ADD1: variants seen among roughly 807,000 people sequenced by gnomAD.
ADD1 encodes adducin 1, also known as alpha-adducin.
In ADD1, 24 loss-of-function variants were observed where a neutral mutation model predicts 80.5. The observed-to-expected ratio is 0.30, with a 90% CI of 0.22 to 0.42. ADD1 has a LOEUF of 0.42. ADD1 is among the 10% of genes least tolerant of loss of function. The probability of loss-of-function intolerance (pLI) is 1.00; values close to 1 mark genes in which losing one functional copy is unlikely to be tolerated. For synonymous variants in ADD1, 373 were observed against 393.8 expected, an observed-to-expected ratio of 0.95 and a Z score of 0.63; for missense variants, 948 against 1,019.0, an observed-to-expected ratio of 0.93 and a Z score of 0.95.
At chr4:2,845,070 C>T (rs1215684789) in intron 1 of ADD1, among the ~76,000 whole-genome samples, 1 of 144,984 alleles carries the variant, frequency 6.9e-6, no homozygotes, top group Non-Finnish European at 1.5e-5. Flanking sequence ...GACAAAGGCC[C>T]GCGATGATAC....
intron 13 of ADD1, among the ~76,000 whole-genome samples, chr4:2,911,395 CTT>C (rs1737993591): frequency 6.6e-6 from 1 of 150,838 alleles, no homozygotes; most frequent in Admixed American, 6.6e-5. Flanking sequence ...GCTGTGTTGA[CTT>C]TGTTTTGGGC....
intron 2 of ADD1, among the ~76,000 whole-genome samples, chr4:2,876,556 G>T (rs1042788617): frequency 6.6e-6 from 1 of 151,956 alleles, no homozygotes; most frequent in African/African-American, 2.4e-5. Context: ...ACAAAAATTG[G>T]CCAGGCGCGG....
intron 14 of ADD1, among the ~76,000 whole-genome samples, chr4:2,924,389 G>T (rs556569025): frequency 6.6e-6 from 1 of 152,184 alleles, no homozygotes; most frequent in Admixed American, 6.5e-5. Context: ...AGCAGCCTTG[G>T]TGCTGGCACC....
intron 1 of ADD1, among the ~76,000 whole-genome samples, chr4:2,863,721 T>G (rs901248376): frequency 5.9e-5 from 9 of 151,940 alleles, no homozygotes; most frequent in South Asian, 4.2e-4. Context: ...ACCTTGTTTT[T>G]TTTTGTTTTG....
intron 1 of ADD1, among the ~76,000 whole-genome samples, chr4:2,872,499 A>G (rs1730608481): frequency 6.6e-6 from 1 of 152,210 alleles, no homozygotes; most frequent in African/African-American, 2.4e-5. Context: ...TTTTATCTGT[A>G]TTATGCTAAA....
chr4:2,856,583 A>AG (rs1390634925), intron 1 of ADD1, among the ~76,000 whole-genome samples: 1 of 121,780 alleles, frequency 8.2e-6, no homozygotes, highest in African/African-American at 3.0e-5. Flanking sequence ...TGGTTACTAG[A>AG]GTTTTTTTTT....
At chr4:2,865,683 C>A (rs938875900) in intron 1 of ADD1, among the ~76,000 whole-genome samples, 1 of 152,148 alleles carries the variant, frequency 6.6e-6, no homozygotes, top group African/African-American at 2.4e-5. Context: ...TCCCTACCTT[C>A]CCCCTGCTCC....
intron 10 of ADD1, 136 bp downstream of exon 10, chr4:2,905,244 G>T: frequency 2.6e-6 from 2 of 760,150 alleles, no homozygotes; most frequent in South Asian, 1.8e-5. Context: ...CTTGTAGTCT[G>T]AACCTAAGTC....
At chr4:2,857,940 C>T (rs1331248583) in intron 1 of ADD1, among the ~76,000 whole-genome samples, 9 of 151,376 alleles carry the variant, frequency 5.9e-5, no homozygotes, top group African/African-American at 2.2e-4. Context: ...TGTCTCATTG[C>T]TTTTTTTTTA....
chr4:2,863,522 A>C (rs1316493312), intron 1 of ADD1, among the ~76,000 whole-genome samples: 1 of 152,186 alleles, frequency 6.6e-6, no homozygotes, highest in Non-Finnish European at 1.5e-5. Context: ...CTGACAGTAA[A>C]AATCATTGCA....
At chr4:2,911,890 C>T (rs1444946688) in intron 13 of ADD1, among the ~76,000 whole-genome samples, 5 of 152,228 alleles carry the variant, frequency 3.3e-5, no homozygotes, top group African/African-American at 7.2e-5. Flanking sequence ...TGCACCTCAC[C>T]AGGGGCTGTG....
intron 13 of ADD1, among the ~76,000 whole-genome samples, chr4:2,913,850 G>A (rs1738491680): frequency 6.6e-6 from 1 of 152,126 alleles, no homozygotes; most frequent in South Asian, 2.1e-4. Context: ...GGTTTTGGAA[G>A]CTGTCAGTCA....
chr4:2,851,980 A>G (rs1179039615), intron 1 of ADD1, among the ~76,000 whole-genome samples: 1 of 151,710 alleles, frequency 6.6e-6, no homozygotes, highest in Non-Finnish European at 1.5e-5. Context: ...CTGAGATTAC[A>G]GGCATGCATC....
At chr4:2,880,697 G>T (rs186207655) in intron 2 of ADD1, among the ~76,000 whole-genome samples, 1 of 151,614 alleles carries the variant, frequency 6.6e-6, no homozygotes, top group African/African-American at 2.4e-5. Flanking sequence ...GGATGGTCTC[G>T]ATCTCCTGAC....
intron 1 of ADD1, among the ~76,000 whole-genome samples, chr4:2,868,472 C>T (rs1577481707): frequency 6.6e-6 from 1 of 152,318 alleles, no homozygotes; most frequent in Non-Finnish European, 1.5e-5. Context: ...TTACTCTTTC[C>T]AGCGAACTCT....
At chr4:2,894,504 C>T in intron 5 of ADD1, 78 bp from the exon 6 acceptor site, 2 of 1,192,178 alleles carry the variant, frequency 1.7e-6, no homozygotes, top group Admixed American at 2.8e-5. Context: ...GAGCCAGACC[C>T]TATCAAAAAA....
At chr4:2,856,968 A>C (rs1048651921) in intron 1 of ADD1, among the ~76,000 whole-genome samples, 2 of 145,254 alleles carry the variant, frequency 1.4e-5, no homozygotes, top group Non-Finnish European at 3.0e-5. Flanking sequence ...GCTGGAGTGC[A>C]GTGGCGGCAT....
intron 2 of ADD1, among the ~76,000 whole-genome samples, chr4:2,878,399 A>G (rs1158577780): frequency 6.6e-6 from 1 of 152,024 alleles, no homozygotes; most frequent in Non-Finnish European, 1.5e-5. Flanking sequence ...TTGCTGATGG[A>G]TGGGGTGGAA....
chr4:2,875,074 A>T (rs947370940), intron 1 of ADD1, among the ~76,000 whole-genome samples: 2 of 152,166 alleles, frequency 1.3e-5, no homozygotes, highest in African/African-American at 4.8e-5. Flanking sequence ...CAAAATTTTT[A>T]AAAAATTCGC....
Sources: gnomAD v4.1 joint callset for allele counts (sites outside exome capture counted in the v4.1 genomes callset) on GRCh38, gnomAD v4.1.1 for gene constraint, MANE v1.5 for transcripts, NCBI Gene and HGNC (gene_info 2026-07-23, HGNC 2026-07-21) for gene names.